The following DLGAP2 variants were observed in gnomAD, a reference collection of about 807,000 sequenced individuals.
The protein encoded by DLGAP2 is DLG associated protein 2.
A neutral mutation model predicts 100.3 loss-of-function variants in DLGAP2; 26 were observed. The observed-to-expected ratio is 0.26, with a 90% CI of 0.19 to 0.36. DLGAP2 has a LOEUF of 0.36. Among genes scored for constraint, DLGAP2 ranks in the 10% least tolerant of loss-of-function variants. DLGAP2 has a pLI of 1.00. For missense variants in DLGAP2, 1,858 were observed against 1,453.2 expected, an observed-to-expected ratio of 1.28 and a Z score of -4.53; for synonymous variants, 886 against 630.1, an observed-to-expected ratio of 1.41 and a Z score of -6.08.
chr8:1,480,941 G>A (rs1799074718), intron 3 of DLGAP2, among the ~76,000 whole-genome samples: 1 of 152,100 alleles, frequency 6.6e-6, no homozygotes, highest in South Asian at 2.1e-4. Context: ...GGGAGGCCGA[G>A]GCGGGCAGAT....
At chr8:1,652,691 T>G (rs7464600) in intron 8 of DLGAP2, among the ~76,000 whole-genome samples, 1 of 152,188 alleles carries the variant, frequency 6.6e-6, no homozygotes, top group Non-Finnish European at 1.5e-5. Flanking sequence ...GTAAAACTTA[T>G]TTTCATTCCT....
At chr8:1,380,223 C>T (rs756057399) in intron 3 of DLGAP2, 2 of 152,210 alleles carry the variant, frequency 1.3e-5, no homozygotes, top group Non-Finnish European at 2.9e-5. Flanking sequence ...CTCAGCACTT[C>T]AGGCAGCAAA....
chr8:1,375,197 T>C (rs1278898870), intron 3 of DLGAP2, among the ~76,000 whole-genome samples: 1 of 81,208 alleles, frequency 1.2e-5, no homozygotes. Flanking sequence ...CTCCACGGCC[T>C]CAGAACTGAT....
At chr8:1,331,951 C>T (rs905060392) in intron 3 of DLGAP2, among the ~76,000 whole-genome samples, 1 of 152,126 alleles carries the variant, frequency 6.6e-6, no homozygotes, top group Non-Finnish European at 1.5e-5. Flanking sequence ...GGGGAGGGCA[C>T]AGCCACCTCC....
intron 2 of DLGAP2, among the ~76,000 whole-genome samples, chr8:1,214,619 G>T (rs1233732625): frequency 6.6e-6 from 1 of 152,196 alleles, no homozygotes; most frequent in Non-Finnish European, 1.5e-5. Context: ...TTGATCATGT[G>T]TCTGCTTCTT....
At chr8:836,383 C>T (rs1402143898) in intron 1 of DLGAP2, among the ~76,000 whole-genome samples, 1 of 152,134 alleles carries the variant, frequency 6.6e-6, no homozygotes, top group Non-Finnish European at 1.5e-5. Context: ...GGTCTTGGGG[C>T]GCTGGGCCTT....
chr8:1,105,707 C>T (rs1002571577), intron 2 of DLGAP2, among the ~76,000 whole-genome samples: 2 of 146,978 alleles, frequency 1.4e-5, no homozygotes, highest in Non-Finnish European at 3.0e-5. Flanking sequence ...TGAAGGGGGC[C>T]GTTCTAAGAG....
intron 13 of DLGAP2, among the ~76,000 whole-genome samples, chr8:1,694,646 C>T (rs1467746792): frequency 2.6e-5 from 4 of 152,188 alleles, no homozygotes; most frequent in Non-Finnish European, 5.9e-5. Context: ...TGAATTTTAA[C>T]TCCATCCAAC....
intron 2 of DLGAP2, among the ~76,000 whole-genome samples, chr8:951,668 G>C (rs189953623): frequency 6.6e-6 from 1 of 152,148 alleles, no homozygotes; most frequent in African/African-American, 2.4e-5. Flanking sequence ...TGTGTACTGC[G>C]TGGCATGCTG....
intron 2 of DLGAP2, among the ~76,000 whole-genome samples, chr8:1,155,750 G>A (rs1796772021): frequency 6.6e-6 from 1 of 152,164 alleles, no homozygotes; most frequent in African/African-American, 2.4e-5. Context: ...CCTGGAGCGC[G>A]GGGCCTTGGT....
intron 1 of DLGAP2, among the ~76,000 whole-genome samples, chr8:848,837 T>A (rs1029878484): frequency 1.3e-5 from 2 of 150,946 alleles, no homozygotes; most frequent in African/African-American, 4.9e-5. Flanking sequence ...CAGTCTAGGA[T>A]CTTGTGATGT....
At chr8:1,490,148 C>T (rs7822503) in intron 3 of DLGAP2, among the ~76,000 whole-genome samples, 5,804 of 152,180 alleles carry the variant, frequency 0.038, 359 homozygotes, top group African/African-American at 0.13. Context: ...CCTCAGCCTC[C>T]CAAAGTGCTG....
intron 1 of DLGAP2, among the ~76,000 whole-genome samples, chr8:742,835 G>A (rs893622301): frequency 4.6e-5 from 7 of 152,140 alleles, no homozygotes; most frequent in African/African-American, 4.8e-5. Flanking sequence ...TGACCTCACC[G>A]TATTTCAGTT....
chr8:1,440,655 C>T (rs887537123), intron 3 of DLGAP2, among the ~76,000 whole-genome samples: 10 of 152,178 alleles, frequency 6.6e-5, no homozygotes, highest in African/African-American at 1.9e-4. Flanking sequence ...AACTAGTGAC[C>T]GGCTGAGCGT....
intron 3 of DLGAP2, among the ~76,000 whole-genome samples, chr8:1,278,535 T>G (rs1488896963): frequency 6.6e-6 from 1 of 152,216 alleles, no homozygotes; most frequent in Non-Finnish European, 1.5e-5. Context: ...TGTCAGGAAC[T>G]TGATGAATCT....
intron 8 of DLGAP2, among the ~76,000 whole-genome samples, chr8:1,648,556 C>G (rs181679980): frequency 1.3e-5 from 2 of 152,216 alleles, no homozygotes; most frequent in African/African-American, 4.8e-5. Context: ...CATTGGTCCC[C>G]TCATTGGTCC....
At chr8:1,307,350 C>T (rs990658795) in intron 3 of DLGAP2, among the ~76,000 whole-genome samples, 1 of 152,060 alleles carries the variant, frequency 6.6e-6, no homozygotes, top group Admixed American at 6.6e-5. Flanking sequence ...TGTAAAACAA[C>T]AACAATGAAA....
chr8:744,160 T>C (rs1224465030), intron 1 of DLGAP2, among the ~76,000 whole-genome samples: 1 of 152,206 alleles, frequency 6.6e-6, no homozygotes, highest in Non-Finnish European at 1.5e-5. Context: ...GTCTCTCATC[T>C]TGTGCGTTGG....
At chr8:1,111,062 G>A (rs528240868) in intron 2 of DLGAP2, among the ~76,000 whole-genome samples, 6 of 152,310 alleles carry the variant, frequency 3.9e-5, no homozygotes, top group South Asian at 2.1e-4. Context: ...CCACCTGCAC[G>A]CCACAGTGCC....
Sources: gnomAD v4.1 joint callset for allele counts (sites outside exome capture counted in the v4.1 genomes callset) on GRCh38, gnomAD v4.1.1 for gene constraint, MANE v1.5 for transcripts, NCBI Gene and HGNC (gene_info 2026-07-23, HGNC 2026-07-21) for gene names.